The following PRRC1 variants were observed in gnomAD, a reference collection of about 807,000 sequenced individuals.
The protein encoded by PRRC1 is proline rich coiled-coil 1.
PRRC1 carries 39 observed loss-of-function variants against 40.7 expected under a neutral mutation model. The observed-to-expected ratio is 0.96, with a 90% CI of 0.74 to 1.25. PRRC1 has a LOEUF of 1.25. Ranked by LOEUF, PRRC1 falls within the 50% of genes most tolerant of loss-of-function variation. The probability of loss-of-function intolerance (pLI) is 0.00; values close to 1 mark genes in which losing one functional copy is unlikely to be tolerated. For missense variants in PRRC1, 573 were observed against 548.3 expected (o/e 1.05, Z -0.45); for synonymous variants, 175 against 193.3 (o/e 0.91, Z 0.79).
At chr5:127,544,108 G>A (rs1768138387) in intron 7 of PRRC1, among the ~76,000 whole-genome samples, 1 of 152,202 alleles carries the variant, frequency 6.6e-6, no homozygotes, top group Non-Finnish European at 1.5e-5. Flanking sequence ...ACCCTCATCT[G>A]CAGGTCTGTT....
In PRRC1 at chr5:127,530,404, C is replaced by T; in HGVS notation, c.757+8C>T. On this transcript the variant is annotated splice_region_variant and intron_variant, in intron 5 of 8. Coordinates refer to ENST00000296666, the MANE Select transcript of PRRC1 (RefSeq NM_130809.5). ...GCATGGCTCCCTATATCAGTATGTA[C>T]ATAAGTTAGACCGGTATCTGCCATT... The T allele has an allele frequency of 2.5e-6, 4 of 1,601,094 alleles. No individual in the cohort carries two copies. Among genetic ancestry groups the T allele is most frequent in the African/African-American group, 1.3e-5 (1 of 74,670 alleles).
intron 7 of PRRC1, among the ~76,000 whole-genome samples, chr5:127,543,484 A>G (rs1768113016): frequency 6.6e-6 from 1 of 152,064 alleles, no homozygotes; most frequent in Non-Finnish European, 1.5e-5. Context: ...ACTTGGTTCC[A>G]TTCTCCCCGT....
chr5:127,525,277 C>T (rs151792), intron 3 of PRRC1, among the ~76,000 whole-genome samples: 45,731 of 152,006 alleles, frequency 0.3, 7,231 homozygotes, highest in East Asian at 0.55. Context: ...TGGCAACTTT[C>T]ACTTAAATAT....
In PRRC1 at chr5:127,553,834, G is replaced by GT; in HGVS notation, c.*1919dup. On this transcript the variant is annotated 3_prime_UTR_variant, in exon 9 of 9. Transcript: ENST00000296666. The stretch of plus-strand genomic sequence containing the variant: ...CTAGAATCCCCAAAGAGCAGTGGCA[G>GT]TCCATGGCTTGGTTGAAGCTAGAAA... 1 of 1,535,836 alleles carries GT rather than the reference G, an allele frequency of 6.5e-7. No homozygotes were observed. The highest frequency in any genetic ancestry group is 8.7e-7 in the Non-Finnish European group (1 of 1,146,696).
intron 1 of PRRC1, among the ~76,000 whole-genome samples, chr5:127,522,088 A>G (rs548560775): frequency 1.3e-5 from 2 of 152,252 alleles, no homozygotes; most frequent in Non-Finnish European, 2.9e-5. Context: ...GCATCAGTAT[A>G]GTGCTCGTCA....
At position 127,524,613 on chromosome 5, in the gene PRRC1, C is replaced by T. The variant is rs762073181; in HGVS notation, c.186C>T (p.Pro62=). 35 of 1,614,046 alleles carry T rather than the reference C, an allele frequency of 2.2e-5. No homozygotes were observed. The Admixed American group carries it at 4.8e-4, about 22-fold the overall frequency. The change falls in exon 3 of 9, where the codon CCC becomes CCT. Residue 62 remains proline, a synonymous_variant. Coordinates refer to ENST00000296666, the MANE Select transcript of PRRC1 (RefSeq NM_130809.5). ...TCGCATACTCTACTCCTCAGCCGCC[C>T]CTTCCTCCTGTGAGGCCTTCAGCAC... ...PPLAYSTPQP[P]LPPVRPSAPL...
Position 127,539,028 on chromosome 5 carries a change from ATTG to A in PRRC1, c.922-6_922-4del. ...TTTGAAATGGTCTCTAACCTCTGCC[ATTG>A]TTGTTTAGGGTGCTCAGGAACGGAT... On this transcript the variant is annotated splice_polypyrimidine_tract_variant and intron_variant, in intron 6 of 8. Transcript: ENST00000296666. The A allele has an allele frequency of 6.2e-7, 1 of 1,605,866 alleles. No individual in the cohort carries two copies. The highest frequency in any genetic ancestry group is 8.5e-7 in the Non-Finnish European group (1 of 1,173,362).
chr5:127,523,413 A>G (rs753358789), intron 1 of PRRC1, 47 bp from the exon 2 acceptor site: 4 of 841,800 alleles, frequency 4.8e-6, no homozygotes, highest in Non-Finnish European at 7.1e-6. Context: ...TTAAAAATAT[A>G]CTTTTGGTTA....
chr5:127,519,030 G>T (rs556159418), intron 1 of PRRC1, among the ~76,000 whole-genome samples: 47 of 152,240 alleles, frequency 3.1e-4, no homozygotes, highest in African/African-American at 1.1e-3. Context: ...TAAAGACAAA[G>T]AAATTGATTA....
At position 127,553,882 on chromosome 5, in the gene PRRC1, G is replaced by A. The variant is rs531820925; in HGVS notation, c.*1966G>A. 5.2e-6 allele frequency: 8 copies of A among 1,535,656 alleles called. No homozygotes were observed. Among genetic ancestry groups the A allele is most frequent in the Non-Finnish European group, 7.0e-6 (8 of 1,146,602 alleles). ...AAATTTTCCTGCCCCTGGTGACCTG[G>A]TAAGCCTCCTGCTCGGAACCGTGTG... On this transcript the variant is annotated 3_prime_UTR_variant, in exon 9 of 9. Transcript: ENST00000296666.
chr5:127,541,848 TGAA>T (rs1224762249), intron 7 of PRRC1, among the ~76,000 whole-genome samples: 1 of 152,062 alleles, frequency 6.6e-6, no homozygotes, highest in Non-Finnish European at 1.5e-5. Flanking sequence ...ATTAATTTTT[TGAA>T]GGGTTTTTTG....
intron 1 of PRRC1, among the ~76,000 whole-genome samples, chr5:127,521,031 G>T (rs903235455): frequency 6.6e-6 from 1 of 152,092 alleles, no homozygotes; most frequent in Non-Finnish European, 1.5e-5. Context: ...ATGCCTTACA[G>T]TTGTAGGATA....
chr5:127,542,084 C>T (rs1768064929), intron 7 of PRRC1, among the ~76,000 whole-genome samples: 1 of 152,062 alleles, frequency 6.6e-6, no homozygotes, highest in South Asian at 2.1e-4. Flanking sequence ...TCTTTGTTCT[C>T]GTTGGTTTCA....
chr5:127,545,394 C>T (rs1561687848), intron 7 of PRRC1, among the ~76,000 whole-genome samples: 2 of 152,016 alleles, frequency 1.3e-5, no homozygotes, highest in South Asian at 2.1e-4. Flanking sequence ...ATCCAAATGT[C>T]CAACAATGAT....
intron 5 of PRRC1, among the ~76,000 whole-genome samples, chr5:127,532,973 ATAG>A (rs1236235788): frequency 2.0e-5 from 3 of 152,228 alleles, no homozygotes; most frequent in East Asian, 1.9e-4. Context: ...CTGTCTAGAA[ATAG>A]TAGTACTTAG....
At chr5:127,535,250 T>G (rs1437201254) in intron 6 of PRRC1, among the ~76,000 whole-genome samples, 1 of 152,248 alleles carries the variant, frequency 6.6e-6, no homozygotes, top group African/African-American at 2.4e-5. Flanking sequence ...CTGTAACTCA[T>G]GCTTGAATGC....
At chr5:127,524,342 T>TA (rs1290767960) in intron 2 of PRRC1, among the ~76,000 whole-genome samples, 189 bp from the exon 3 acceptor site, 10 of 152,222 alleles carry the variant, frequency 6.6e-5, no homozygotes, top group Non-Finnish European at 1.3e-4. Context: ...TTCTTTTACT[T>TA]ATGGGAGTTG....
chr5:127,553,086 CT>C lies in PRRC1; in HGVS notation c.*1175del, dbSNP rs1768436094. On this transcript the variant is annotated 3_prime_UTR_variant, in exon 9 of 9. Transcript: ENST00000296666. ...ACTTTGTATATACAAGTTCAAATAA[CT>C]TTTTCGAAGATAGTTTCTTATATAA... is the stretch of plus-strand genomic sequence containing the variant. 5 of 853,522 alleles carry C rather than the reference CT, an allele frequency of 5.9e-6. No individual in the cohort carries two copies. The highest frequency in any genetic ancestry group is 7.0e-6 in the Non-Finnish European group (5 of 710,732). The allele number at this position is 853,522 out of a possible 1,614,324, so 52.9% of individuals were successfully genotyped here. A position where few individuals can be genotyped will look rare whatever the true frequency, so the allele number is the denominator to read the frequency against.
rs1428861250 is a variant in PRRC1 at position 127,524,780 on chromosome 5, A to C, written c.353A>C (p.Asn118Thr). ...TTCCCACCTTCAACTTCTGCCCCAAACACTCTTTTACCTGCACCCCCTTCG... is the reference window on the plus strand; with the variant it reads ...TTCCCACCTTCAACTTCTGCCCCAACCACTCTTTTACCTGCACCCCCTTCG... ...SHFPPSTSAP[N>T]TLLPAPPSGP... is the part of the protein sequence containing the mutation. Residue 118 changes from asparagine to threonine, a missense_variant, in exon 3 of 9, where the codon AAC (asparagine) becomes ACC (threonine). Asn to Thr is a moderately conservative substitution (Grantham distance 65). Coordinates refer to ENST00000296666, the MANE Select transcript of PRRC1 (RefSeq NM_130809.5). The C allele has an allele frequency of 6.2e-7, 1 of 1,613,876 alleles. No individual in the cohort carries two copies. Among genetic ancestry groups the C allele is most frequent in the African/African-American group, 1.3e-5 (1 of 74,826 alleles).
Sources: gnomAD v4.1 joint callset for allele counts (sites outside exome capture counted in the v4.1 genomes callset) on GRCh38, gnomAD v4.1.1 for gene constraint, MANE v1.5 for transcripts, NCBI Gene and HGNC (gene_info 2026-07-23, HGNC 2026-07-21) for gene names.